The following SCAPER variants were observed in gnomAD, a reference collection of about 807,000 sequenced individuals.
The protein encoded by SCAPER is S-phase cyclin A associated protein in the ER.
Under a neutral mutation model 182.2 loss-of-function variants are expected in SCAPER, and 98 were observed. That is an observed-to-expected ratio of 0.54 (90% confidence interval 0.46 to 0.64). SCAPER has a LOEUF of 0.64. Ranked by LOEUF, SCAPER falls within the 30% of genes least tolerant of loss-of-function variation. The probability of loss-of-function intolerance (pLI) is 0.00; values close to 1 mark genes in which losing one functional copy is unlikely to be tolerated. For missense variants in SCAPER, 1,432 were observed against 1,690.0 expected, an observed-to-expected ratio of 0.85 and a Z score of 2.68; for synonymous variants, 605 against 564.6, an observed-to-expected ratio of 1.07 and a Z score of -1.01.
At chr15:76,371,723 A>T (rs1192555583) in intron 29 of SCAPER, among the ~76,000 whole-genome samples, 2 of 151,100 alleles carry the variant, frequency 1.3e-5, no homozygotes. Context: ...GTTCGAGACC[A>T]GCCTGACCAA....
At chr15:76,528,979 G>A (rs776201087) in intron 23 of SCAPER, among the ~76,000 whole-genome samples, 31 of 152,312 alleles carry the variant, frequency 2.0e-4, no homozygotes, top group African/African-American at 7.2e-4. Context: ...CTGCCAAATC[G>A]TAGCTTCATT....
intron 25 of SCAPER, among the ~76,000 whole-genome samples, chr15:76,441,951 T>C (rs1173586735): frequency 6.6e-6 from 1 of 152,126 alleles, no homozygotes; most frequent in Admixed American, 6.5e-5. Context: ...ATGTAGACAC[T>C]GATTTTCACT....
rs1255999430 is a variant in SCAPER, at chr15:76,404,641, GCA to G, written c.3348_3349del (p.Ala1117LeufsTer11). The G allele has an allele frequency of 6.2e-7, 1 of 1,612,828 alleles. No homozygotes were observed. The highest frequency in any genetic ancestry group is 8.5e-7 in the Non-Finnish European group (1 of 1,179,686). On this transcript the variant is annotated frameshift_variant, in exon 27 of 32. Coordinates refer to ENST00000563290, the MANE Select transcript of SCAPER (RefSeq NM_020843.4). LOFTEE classifies it high-confidence loss of function. ...TGGGCCTTGCACCGAGAGGAAGCAG[GCA>G]CACAGTTTGTCAATCAGACCCATGT...
At chr15:76,690,154 T>C (rs1011496119) in intron 20 of SCAPER, among the ~76,000 whole-genome samples, 6 of 151,944 alleles carry the variant, frequency 3.9e-5, no homozygotes, top group African/African-American at 1.5e-4. Flanking sequence ...TGGCAAGAAA[T>C]AAGTTATAAT....
intron 7 of SCAPER, among the ~76,000 whole-genome samples, chr15:76,799,723 A>T (rs2065613190): frequency 6.6e-6 from 1 of 152,178 alleles, no homozygotes; most frequent in Non-Finnish European, 1.5e-5. Flanking sequence ...TTATCCCTGT[A>T]GAAGAGGATG....
rs1470567038 is a variant in SCAPER, at chr15:76,699,415, T to G, written c.2508+2343A>C. 3.3e-5 allele frequency among the ~76,000 whole-genome samples: 5 copies of G among 152,348 alleles called. No individual in the cohort carries two copies. The South Asian group carries it at 1.0e-3, about 32-fold the overall frequency. On this transcript the variant is annotated intron_variant, in intron 20 of 31. Transcript: ENST00000563290. ...GCTGTGGGGTTGTCATAGATGGCTC[T>G]TCTTATTTTGAGCTATGTTCCTTCA... is the stretch of plus-strand genomic sequence containing the variant.
intron 23 of SCAPER, among the ~76,000 whole-genome samples, chr15:76,507,966 G>C (rs62028439): frequency 2.6e-5 from 4 of 151,982 alleles, no homozygotes; most frequent in Admixed American, 2.6e-4. Context: ...TGCACTAATC[G>C]TAATTGTACA....
intron 22 of SCAPER, among the ~76,000 whole-genome samples, chr15:76,577,632 C>T (rs1001256528): frequency 6.6e-6 from 1 of 152,058 alleles, no homozygotes; most frequent in Admixed American, 6.5e-5. Context: ...AGGGAAAGAC[C>T]CAGTCCTGGA....
At chr15:76,496,745 CTACTT>C (rs2040583871) in intron 24 of SCAPER, among the ~76,000 whole-genome samples, 1 of 152,056 alleles carries the variant, frequency 6.6e-6, no homozygotes, top group Non-Finnish European at 1.5e-5. Context: ...CTCTTTATTC[CTACTT>C]TAAACGGTGG....
At chr15:76,753,999 A>C (rs1193829383) in intron 14 of SCAPER, 51 bp from the exon 15 acceptor site, 1 of 1,574,900 alleles carries the variant, frequency 6.3e-7, no homozygotes, top group Non-Finnish European at 8.6e-7. Flanking sequence ...ACAATCATTT[A>C]AAAGAAGTAC....
chr15:76,425,232 C>A (rs958467865), intron 26 of SCAPER, among the ~76,000 whole-genome samples: 4 of 152,186 alleles, frequency 2.6e-5, no homozygotes, highest in Non-Finnish European at 5.9e-5. Flanking sequence ...GTTCCATTCT[C>A]CCTGTCACTT....
At chr15:76,669,729 G>A (rs2056878210) in intron 20 of SCAPER, among the ~76,000 whole-genome samples, 1 of 152,146 alleles carries the variant, frequency 6.6e-6, no homozygotes, top group Non-Finnish European at 1.5e-5. Flanking sequence ...ACCACGACTG[G>A]CTGACTTTAC....
At chr15:76,779,871 A>G (rs1050060750) in intron 8 of SCAPER, among the ~76,000 whole-genome samples, 1 of 152,250 alleles carries the variant, frequency 6.6e-6, no homozygotes, top group African/African-American at 2.4e-5. Flanking sequence ...CAGATATGCC[A>G]TCCCAGTTCA....
chr15:76,652,350 AC>A (rs2055192339), intron 21 of SCAPER, among the ~76,000 whole-genome samples: 1 of 29,258 alleles, frequency 3.4e-5, no homozygotes, highest in African/African-American at 1.8e-4. Context: ...ATATACACAC[AC>A]ACACACACAC....
chr15:76,740,394 A>G (rs1315777146), intron 15 of SCAPER, among the ~76,000 whole-genome samples: 2 of 152,218 alleles, frequency 1.3e-5, no homozygotes, highest in Non-Finnish European at 2.9e-5. Context: ...TTACTTCATA[A>G]AAAATTGACT....
intron 26 of SCAPER, among the ~76,000 whole-genome samples, chr15:76,420,017 C>A (rs945587765): frequency 6.6e-6 from 1 of 152,034 alleles, no homozygotes; most frequent in Non-Finnish European, 1.5e-5. Flanking sequence ...ACCACATGAA[C>A]AGAAAGAAAG....
At chr15:76,465,072 T>C (rs528223605) in intron 25 of SCAPER, among the ~76,000 whole-genome samples, 1 of 152,290 alleles carries the variant, frequency 6.6e-6, no homozygotes, top group African/African-American at 2.4e-5. Context: ...TCATTTTTAA[T>C]TGATTATCAT....
intron 27 of SCAPER, among the ~76,000 whole-genome samples, chr15:76,396,957 T>C (rs1169014092): frequency 6.6e-6 from 1 of 152,032 alleles, no homozygotes; most frequent in Non-Finnish European, 1.5e-5. Context: ...CTGTCATACA[T>C]GGCTTTTATT....
chr15:76,460,873 A>G (rs1250218434), intron 25 of SCAPER, among the ~76,000 whole-genome samples: 1 of 152,142 alleles, frequency 6.6e-6, no homozygotes, highest in African/African-American at 2.4e-5. Flanking sequence ...CCTTAATGTT[A>G]ATATCCTACA....
Sources: allele counts gnomAD v4.1 joint callset (sites outside exome capture counted in the v4.1 genomes callset), GRCh38; gene constraint gnomAD v4.1.1; transcripts MANE v1.5; gene names NCBI Gene and HGNC (gene_info 2026-07-23, HGNC 2026-07-21).